AUTS2: variants seen among roughly 807,000 people sequenced by gnomAD.
AUTS2 encodes the protein activator of transcription and developmental regulator AUTS2, also known as autism susceptibility gene 2 protein.
AUTS2 carries 17 observed loss-of-function variants against 112.4 expected under a neutral mutation model. The observed-to-expected ratio is 0.15, with a 90% CI of 0.10 to 0.23. The LOEUF is 0.23. Ranked by LOEUF, AUTS2 falls within the 10% of genes least tolerant of loss-of-function variation. AUTS2 has a pLI of 1.00. For missense variants in AUTS2, 1,510 were observed against 1,701.6 expected, an observed-to-expected ratio of 0.89 and a Z score of 1.98; for synonymous variants, 751 against 702.7, an observed-to-expected ratio of 1.07 and a Z score of -1.09.
At chr7:70,714,824 A>G (rs935785241) in intron 6 of AUTS2, among the ~76,000 whole-genome samples, 2 of 152,234 alleles carry the variant, frequency 1.3e-5, no homozygotes, top group African/African-American at 4.8e-5. Context: ...AGGCATTGCA[A>G]CGAACCTCAT....
At chr7:70,146,193 C>T (rs1379650559) in intron 4 of AUTS2, among the ~76,000 whole-genome samples, 1 of 152,044 alleles carries the variant, frequency 6.6e-6, no homozygotes, top group Non-Finnish European at 1.5e-5. Context: ...AGCTAAGCCT[C>T]AATGGTTGAT....
At chr7:70,506,264 C>T (rs773833661) in intron 5 of AUTS2, among the ~76,000 whole-genome samples, 5 of 152,084 alleles carry the variant, frequency 3.3e-5, no homozygotes, top group African/African-American at 9.7e-5. Context: ...GAGCAGAGCC[C>T]GAACAGCAGT....
intron 1 of AUTS2, among the ~76,000 whole-genome samples, chr7:69,624,016 C>T (rs1233917519): frequency 6.6e-6 from 1 of 152,114 alleles, no homozygotes; most frequent in East Asian, 1.9e-4. Flanking sequence ...GGTGGTGTTT[C>T]TTAATTACTC....
chr7:69,831,746 A>G (rs965325853), intron 1 of AUTS2, among the ~76,000 whole-genome samples: 1 of 152,128 alleles, frequency 6.6e-6, no homozygotes, highest in African/African-American at 2.4e-5. Context: ...AGAATTATCC[A>G]TATTGATGAT....
intron 5 of AUTS2, among the ~76,000 whole-genome samples, chr7:70,496,527 TCA>T (rs1488164447): frequency 1.6e-5 from 1 of 61,480 alleles, no homozygotes; most frequent in Non-Finnish European, 3.1e-5. Flanking sequence ...CACACCCCAC[TCA>T]CACACACCAC....
At chr7:69,869,658 T>A (rs1793393893) in intron 1 of AUTS2, among the ~76,000 whole-genome samples, 1 of 151,964 alleles carries the variant, frequency 6.6e-6, no homozygotes, top group African/African-American at 2.4e-5. Flanking sequence ...CCTCGGTTGT[T>A]GTATACCTAT....
chr7:69,721,776 G>A (rs1487415497), intron 1 of AUTS2, among the ~76,000 whole-genome samples: 3 of 152,186 alleles, frequency 2.0e-5, no homozygotes, highest in East Asian at 1.9e-4. Context: ...GTGGAGACAA[G>A]GAATGATCTT....
intron 2 of AUTS2, among the ~76,000 whole-genome samples, chr7:69,975,698 TA>T (rs1036933070): frequency 1.3e-5 from 2 of 152,084 alleles, no homozygotes; most frequent in Non-Finnish European, 2.9e-5. Flanking sequence ...TTTTTATTTT[TA>T]TTTTTTTGAG....
intron 1 of AUTS2, 96 bp from the exon 2 acceptor site, chr7:69,899,190 A>T: frequency 2.3e-6 from 2 of 870,402 alleles, no homozygotes; most frequent in Non-Finnish European, 3.7e-6. Flanking sequence ...TCTCCCACTT[A>T]GTAGTAACAC....
intron 5 of AUTS2, among the ~76,000 whole-genome samples, chr7:70,651,883 G>C (rs765543719): frequency 6.6e-6 from 1 of 152,150 alleles, no homozygotes; most frequent in Non-Finnish European, 1.5e-5. Flanking sequence ...CACACGCACA[G>C]AAATGCACAG....
In AUTS2 at chr7:69,872,120, C is replaced by T. The variant is rs536371561; in HGVS notation, c.310-27166C>T. On this transcript the variant is annotated intron_variant, in intron 1 of 18. Transcript: ENST00000342771. ...GATTATAGAGCATTAAACCAAGTGC[C>T]GAGCCCTTCTGAGTGCAGGGCCCTG... 3.9e-4 allele frequency among the ~76,000 whole-genome samples: 59 copies of T among 152,258 alleles called. 1 individual carries two copies. Among genetic ancestry groups the T allele is most frequent in the African/African-American group, 1.3e-3 (52 of 41,538 alleles).
chr7:70,790,494 A>C lies in AUTS2; in HGVS notation c.3278A>C (p.Asp1093Ala). Residue 1093 changes from aspartate (D) to alanine (A), a missense_variant, in exon 19 of 19, where the codon GAC (aspartate) becomes GCC (alanine). Around this residue, in one of 3 missense-constraint regions of AUTS2, gnomAD observed 788 missense variants for 797.6 expected, o/e 0.99. Coordinates refer to ENST00000342771, the MANE Select transcript of AUTS2 (RefSeq NM_015570.4). The surrounding 1 kb of genome is among the most constrained non-coding windows in gnomAD (Gnocchi z 7.6). ...DIHRRDPLGR[D>A]FLLRNDPLHR... ...CACCGGAGAGACCCGCTGGGCAGGG[A>C]CTTCCTGCTAAGGAACGACCCGCTC... 1 of 1,612,408 alleles carries C rather than the reference A, an allele frequency of 6.2e-7. No homozygotes were observed. The highest frequency in any genetic ancestry group is 2.2e-5 in the East Asian group (1 of 44,792).
intron 5 of AUTS2, among the ~76,000 whole-genome samples, chr7:70,697,817 C>T (rs762464851): frequency 6.6e-6 from 1 of 152,162 alleles, no homozygotes; most frequent in African/African-American, 2.4e-5. Context: ...AACATTACAG[C>T]ATTTTCCTTC....
At chr7:70,415,087 G>A (rs922136365) in intron 4 of AUTS2, among the ~76,000 whole-genome samples, 7 of 152,186 alleles carry the variant, frequency 4.6e-5, no homozygotes, top group Non-Finnish European at 8.8e-5. Context: ...CAACTCCTTC[G>A]AGAGAGGTCT....
At chr7:69,929,677 C>T (rs1480652632) in intron 2 of AUTS2, among the ~76,000 whole-genome samples, 3 of 152,164 alleles carry the variant, frequency 2.0e-5, no homozygotes, top group Non-Finnish European at 4.4e-5. Flanking sequence ...ACAGCAGTTT[C>T]ATTTCTAAAG....
chr7:70,034,648 A>G (rs563487412), intron 2 of AUTS2, among the ~76,000 whole-genome samples: 3 of 152,176 alleles, frequency 2.0e-5, no homozygotes, highest in African/African-American at 4.8e-5. Flanking sequence ...TGTTCTACCA[A>G]TAGTCTTGTA....
intron 4 of AUTS2, among the ~76,000 whole-genome samples, chr7:70,215,087 C>T (rs1459639929): frequency 6.6e-6 from 1 of 152,120 alleles, no homozygotes; most frequent in Non-Finnish European, 1.5e-5. Context: ...GAGTTCAAGA[C>T]TAGCCTGGGC....
At chr7:69,944,210 C>G (rs893117235) in intron 2 of AUTS2, among the ~76,000 whole-genome samples, 1 of 152,080 alleles carries the variant, frequency 6.6e-6, no homozygotes, top group Non-Finnish European at 1.5e-5. Flanking sequence ...CTCACTTCAG[C>G]TCTCTAAGAA....
chr7:70,058,228 G>T (rs1269089696), intron 2 of AUTS2, among the ~76,000 whole-genome samples: 2 of 152,144 alleles, frequency 1.3e-5, no homozygotes, highest in Non-Finnish European at 2.9e-5. Context: ...ATTCAGCCAG[G>T]CTGGACATTC....
Sources: allele counts gnomAD v4.1 joint callset (sites outside exome capture counted in the v4.1 genomes callset), GRCh38; gene constraint gnomAD v4.1.1; regional missense constraint gnomAD v4.1.1; non-coding constraint Gnocchi (gnomAD v3.1); transcripts MANE v1.5; gene names NCBI Gene and HGNC (gene_info 2026-07-23, HGNC 2026-07-21).